The following HSD17B4 variants were observed in gnomAD, a reference collection of about 807,000 sequenced individuals.
HSD17B4 encodes the protein hydroxysteroid 17-beta dehydrogenase 4, also known as peroxisomal multifunctional enzyme type 2.
A neutral mutation model predicts 101.0 loss-of-function variants in HSD17B4; 70 were observed. The observed-to-expected ratio is 0.69, with a 90% CI of 0.57 to 0.85. HSD17B4 has a LOEUF of 0.85. HSD17B4 is among the 40% of genes least tolerant of loss of function. The pLI, the probability that HSD17B4 is intolerant of heterozygous loss-of-function variation, is 0.00. For synonymous variants in HSD17B4, 347 were observed against 297.1 expected (o/e 1.17, Z -1.73); for missense variants, 984 against 892.4 (o/e 1.10, Z -1.31).
At chr5:119,456,212 A>T in intron 1 of HSD17B4, 103 bp from the exon 2 acceptor site, 1 of 774,134 alleles carries the variant, frequency 1.3e-6, no homozygotes, top group South Asian at 1.4e-5. Context: ...ATTAAAATGT[A>T]ATTAATTGTT....
intron 16 of HSD17B4, among the ~76,000 whole-genome samples, chr5:119,511,212 G>C (rs1053124308): frequency 6.6e-6 from 1 of 152,182 alleles, no homozygotes; most frequent in African/African-American, 2.4e-5. Flanking sequence ...CTCTTCACAA[G>C]GAAACAGAGT....
chr5:119,465,159 A>G (rs1333532893), intron 2 of HSD17B4, among the ~76,000 whole-genome samples: 2 of 152,268 alleles, frequency 1.3e-5, no homozygotes, highest in Middle Eastern at 3.4e-3. Flanking sequence ...TGGTATGGCC[A>G]TCTTAACAGT....
chr5:119,456,692 A>G (rs961244423), intron 2 of HSD17B4: 3 of 379,402 alleles, frequency 7.9e-6, no homozygotes, highest in African/African-American at 6.2e-5. Context: ...GCCTGCAGAG[A>G]ACTATGATTA....
At position 119,497,749 on chromosome 5, in the gene HSD17B4, CTG is replaced by C. The variant is rs538715142; in HGVS notation, c.972+1105_972+1106del. ...TATTGCTAAATGAGTGATGATAAAACTGTATAAAATATGTACTAAATATTGAT... is the reference window on the plus strand; with the variant it reads ...TATTGCTAAATGAGTGATGATAAAACTATAAAATATGTACTAAATATTGAT... On this transcript the variant is annotated intron_variant, in intron 12 of 23. Transcript: ENST00000510025. Among the ~76,000 whole-genome samples the C allele has an allele frequency of 1.6e-3, 244 of 152,252 alleles. 1 individual carries two copies. The highest frequency in any genetic ancestry group is 5.4e-3 in the African/African-American group (223 of 41,560).
chr5:119,501,951 G>T (rs957381445), intron 13 of HSD17B4, 90 bp from the exon 14 acceptor site: 4 of 791,930 alleles, frequency 5.1e-6, no homozygotes, highest in Non-Finnish European at 9.0e-6. Flanking sequence ...CCTGTGGATG[G>T]TAAAATGTCA....
At chr5:119,462,145 C>G (rs1044905108) in intron 2 of HSD17B4, among the ~76,000 whole-genome samples, 1 of 151,748 alleles carries the variant, frequency 6.6e-6, no homozygotes, top group Non-Finnish European at 1.5e-5. Context: ...AAGACTTGAC[C>G]CTTGACTATC....
chr5:119,468,294 G>A (rs781044758), intron 2 of HSD17B4, among the ~76,000 whole-genome samples: 12 of 152,140 alleles, frequency 7.9e-5, no homozygotes, highest in African/African-American at 1.7e-4. Flanking sequence ...CTTTTAAGAC[G>A]GGTCTAGTGG....
rs1210200987 is a variant in HSD17B4 at position 119,471,525 on chromosome 5, T to G, written c.113-2383T>G. ...ACCCCAGTTTTAAAAAGAGCAGTTT[T>G]TCAGAAGAAAAAAAAATCTTGTTTA... On this transcript the variant is annotated intron_variant, in intron 2 of 23. Transcript: ENST00000510025. 16 of 436,500 alleles carry G rather than the reference T, an allele frequency of 3.7e-5. No individual in the cohort carries two copies. In the East Asian group the frequency reaches 4.9e-4, roughly 14 times the overall value. The allele number at this position is 436,500 out of a possible 1,614,324, so 27.0% of individuals were successfully genotyped here.
chr5:119,490,919 A>G (rs1331207428), intron 9 of HSD17B4, among the ~76,000 whole-genome samples: 1 of 152,172 alleles, frequency 6.6e-6, no homozygotes, highest in African/African-American at 2.4e-5. Context: ...ATAATGCTGC[A>G]GATGAAGTTT....
chr5:119,452,762 T>C (rs1754188500), intron 1 of HSD17B4, 129 bp downstream of exon 1: 1 of 1,576,736 alleles, frequency 6.3e-7, no homozygotes, highest in African/African-American at 1.3e-5. Context: ...GAATGGTTAT[T>C]CTTGAGGCAC....
chr5:119,520,443 A>G (rs993296324), intron 17 of HSD17B4, among the ~76,000 whole-genome samples: 8 of 152,058 alleles, frequency 5.3e-5, no homozygotes, highest in Admixed American at 3.3e-4. Flanking sequence ...TTTTCTGTGT[A>G]ACTTCCTCCT....
chr5:119,524,605 C>A (rs1315359785), intron 17 of HSD17B4, among the ~76,000 whole-genome samples: 1 of 152,070 alleles, frequency 6.6e-6, no homozygotes, highest in African/African-American at 2.4e-5. Flanking sequence ...GACTTTTTCC[C>A]TATTGTTATC....
At chr5:119,540,893 T>C (rs1198036011) in intron 23 of HSD17B4, among the ~76,000 whole-genome samples, 1 of 152,164 alleles carries the variant, frequency 6.6e-6, no homozygotes, top group African/African-American at 2.4e-5. Context: ...TTCTCATCTG[T>C]CAACTGGGGT....
At chr5:119,515,162 A>T in intron 17 of HSD17B4, 116 bp downstream of exon 17, 2 of 701,728 alleles carry the variant, frequency 2.9e-6, no homozygotes, top group East Asian at 2.5e-5. Context: ...ATATGTTATT[A>T]TTCAACATAA....
chr5:119,525,831 AC>A (rs1198321861), intron 18 of HSD17B4, 85 bp from the exon 19 acceptor site: 1 of 802,220 alleles, frequency 1.2e-6, no homozygotes, highest in African/African-American at 1.7e-5. Flanking sequence ...CAGTCTAAGG[AC>A]ATTTTTAAAG....
intron 2 of HSD17B4, among the ~76,000 whole-genome samples, chr5:119,463,959 C>T (rs185848122): frequency 9.9e-5 from 15 of 152,240 alleles, no homozygotes; most frequent in African/African-American, 3.6e-4. Context: ...GCGTGAGCCA[C>T]TGCACCTGGC....
intron 23 of HSD17B4, among the ~76,000 whole-genome samples, chr5:119,537,368 G>A (rs1181973244): frequency 6.6e-6 from 1 of 152,022 alleles, no homozygotes; most frequent in African/African-American, 2.4e-5. Context: ...TTTCTCATTT[G>A]TAAAATGAGT....
chr5:119,517,190 G>A (rs1752695982), intron 17 of HSD17B4, among the ~76,000 whole-genome samples: 1 of 152,342 alleles, frequency 6.6e-6, no homozygotes, highest in Admixed American at 6.5e-5. Flanking sequence ...GGCGGGCCCG[G>A]CACTCAGAGC....
chr5:119,499,293 A>T (rs1561463227), intron 12 of HSD17B4, 24 bp from the exon 13 acceptor site: 1 of 1,505,392 alleles, frequency 6.6e-7, no homozygotes, highest in African/African-American at 1.4e-5. Flanking sequence ...AATGAAATAA[A>T]TTACTTTTTA....
Sources: allele counts gnomAD v4.1 joint callset (sites outside exome capture counted in the v4.1 genomes callset), GRCh38; gene constraint gnomAD v4.1.1; transcripts MANE v1.5; gene names NCBI Gene and HGNC (gene_info 2026-07-23, HGNC 2026-07-21).